Variants in TMC2 observed in about 807,000 individuals in gnomAD.
TMC2 encodes the protein transmembrane channel-like protein 2.
Under a neutral mutation model 105.9 loss-of-function variants are expected in TMC2, and 102 were observed. The observed-to-expected ratio is 0.96, with a 90% CI of 0.82 to 1.14. TMC2 has a LOEUF of 1.14. Among genes scored for constraint, TMC2 ranks in the 50% most tolerant of loss-of-function variants. The pLI is 0.00. For missense variants in TMC2, 1,093 were observed against 1,134.3 expected (o/e 0.96, Z 0.52); for synonymous variants, 402 against 422.8 (o/e 0.95, Z 0.60).
intron 10 of TMC2, 29 bp downstream of exon 10, chr20:2,597,327 C>A: frequency 3.7e-6 from 6 of 1,607,144 alleles, no homozygotes; most frequent in Non-Finnish European, 5.1e-6. Context: ...TTCCCACTTC[C>A]GGAGAACTCT....
chr20:2,539,709 A>G (rs2085875988), intron 2 of TMC2, among the ~76,000 whole-genome samples: 1 of 152,212 alleles, frequency 6.6e-6, no homozygotes. Context: ...CCCTTTTGCA[A>G]CAGGGGGCTA....
At chr20:2,564,440 G>A (rs968496974) in intron 4 of TMC2, among the ~76,000 whole-genome samples, 10 of 151,590 alleles carry the variant, frequency 6.6e-5, no homozygotes, top group Non-Finnish European at 1.5e-4. Flanking sequence ...ATGAGCCACC[G>A]CGCCCGGCCC....
intron 4 of TMC2, among the ~76,000 whole-genome samples, chr20:2,568,861 A>C (rs967428823): frequency 2.0e-5 from 3 of 152,134 alleles, no homozygotes; most frequent in African/African-American, 7.2e-5. Context: ...TGAGACACTG[A>C]GACATCCCAA....
intron 2 of TMC2, among the ~76,000 whole-genome samples, chr20:2,541,646 CA>C (rs765976017): frequency 0.031 from 2,341 of 76,630 alleles, 31 homozygotes; most frequent in African/African-American, 0.087. Context: ...GTCTCAAAAC[CA>C]AAAAAAAAAA....
chr20:2,562,023 C>A lies in TMC2; in HGVS notation c.554+13C>A, dbSNP rs7270277. ...TGACAGAGCTCAGGTGAGCAGGCTG[C>A]GGGTCAGCCAGGGCCTTCCGATGTC... On this transcript the variant is annotated intron_variant, in intron 4 of 19. Coordinates refer to ENST00000358864, the MANE Select transcript of TMC2 (RefSeq NM_080751.3). The A allele has an allele frequency of 1.2e-6, 2 of 1,610,942 alleles. No homozygotes were observed. Among genetic ancestry groups the A allele is most frequent in the Non-Finnish European group, 1.7e-6 (2 of 1,178,496 alleles).
At chr20:2,597,485 GTTTCT>G (rs1568518790) in intron 10 of TMC2, among the ~76,000 whole-genome samples, 187 bp downstream of exon 10, 1 of 151,950 alleles carries the variant, frequency 6.6e-6, no homozygotes, top group Admixed American at 6.6e-5. Flanking sequence ...CCCACTGTCT[GTTTCT>G]TTTCTTTTCT....
At chr20:2,572,338 C>T (rs11906107) in intron 5 of TMC2, 69 bp downstream of exon 5, 25 of 1,248,490 alleles carry the variant, frequency 2.0e-5, no homozygotes, top group South Asian at 2.5e-5. Flanking sequence ...CGACCAACTT[C>T]GGCAACTGCC....
In TMC2 at chr20:2,582,751, C is replaced by T. The variant is rs1177045324; in HGVS notation, c.834+2695C>T. On this transcript the variant is annotated intron_variant, in intron 7 of 19. Coordinates refer to ENST00000358864, the MANE Select transcript of TMC2 (RefSeq NM_080751.3). ...TCAGCCTCCCAAAGTGTTGGGATTA[C>T]AGGCATGAGCCACCATCCCTGGCCT... Among the ~76,000 whole-genome samples, 3 of 152,238 alleles carry T rather than the reference C, an allele frequency of 2.0e-5. No individual in the cohort carries two copies. In the East Asian group the frequency reaches 5.8e-4, roughly 29 times the overall value.
intron 2 of TMC2, among the ~76,000 whole-genome samples, chr20:2,551,699 T>A (rs1265001049): frequency 6.6e-6 from 1 of 152,196 alleles, no homozygotes; most frequent in African/African-American, 2.4e-5. Flanking sequence ...TGTATCTAGA[T>A]TTTTGGTTTT....
intron 2 of TMC2, among the ~76,000 whole-genome samples, chr20:2,551,181 T>C (rs767507204): frequency 5.9e-5 from 9 of 152,214 alleles, no homozygotes; most frequent in South Asian, 2.1e-4. Flanking sequence ...TAGTATTTCA[T>C]TGATGTTTTA....
chr20:2,634,040 TATC>T (rs2086624079), intron 17 of TMC2, among the ~76,000 whole-genome samples: 1 of 152,360 alleles, frequency 6.6e-6, no homozygotes, highest in South Asian at 2.1e-4. Flanking sequence ...CCTCTTTGAC[TATC>T]ATCTTTGTTG....
At chr20:2,554,891 G>A (rs1040188955) in intron 2 of TMC2, among the ~76,000 whole-genome samples, 1 of 152,162 alleles carries the variant, frequency 6.6e-6, no homozygotes, top group African/African-American at 2.4e-5. Flanking sequence ...ATGAGCTTGA[G>A]AAGGATCTGT....
At chr20:2,560,217 G>A (rs1309841355) in intron 3 of TMC2, among the ~76,000 whole-genome samples, 9 of 151,642 alleles carry the variant, frequency 5.9e-5, no homozygotes, top group Admixed American at 3.3e-4. Context: ...AACACCCTAC[G>A]CAGAGACTCA....
intron 17 of TMC2, 70 bp downstream of exon 17, chr20:2,624,466 G>A: frequency 6.5e-7 from 1 of 1,542,350 alleles, no homozygotes; most frequent in Non-Finnish European, 8.8e-7. Context: ...TCCTTGGCAG[G>A]TCCTTTTCAT....
At chr20:2,556,847 T>C (rs2122821724) in intron 2 of TMC2, among the ~76,000 whole-genome samples, 1 of 151,154 alleles carries the variant, frequency 6.6e-6, no homozygotes, top group East Asian at 1.9e-4. Context: ...AGAATACTTT[T>C]GATGGATACA....
intron 13 of TMC2, among the ~76,000 whole-genome samples, chr20:2,612,965 T>A (rs554163595): frequency 6.6e-6 from 1 of 152,236 alleles, no homozygotes; most frequent in African/African-American, 2.4e-5. Flanking sequence ...CTTCAAGAGG[T>A]TCAGAGATTA....
rs959518219 is a variant in TMC2 at position 2,642,447 on chromosome 20, A to G, written c.*1096A>G. ...AACCTGCCTTACCCAGGGCAGAAAA[A>G]TCTTTTTCATGCACCAAATTCTAAA... On this transcript the variant is annotated 3_prime_UTR_variant, in exon 20 of 20. Coordinates refer to ENST00000358864, the MANE Select transcript of TMC2 (RefSeq NM_080751.3). 5.3e-5 allele frequency among the ~76,000 whole-genome samples: 8 copies of G among 152,112 alleles called. No homozygotes were observed. Among genetic ancestry groups the G allele is most frequent in the African/African-American group, 1.9e-4 (8 of 41,408 alleles).
At chr20:2,629,693 C>T (rs1231472031) in intron 17 of TMC2, among the ~76,000 whole-genome samples, 1 of 152,202 alleles carries the variant, frequency 6.6e-6, no homozygotes, top group Non-Finnish European at 1.5e-5. Context: ...GGATAGATTT[C>T]AGCCAGCAGT....
At chr20:2,564,290 A>G (rs780276237) in intron 4 of TMC2, among the ~76,000 whole-genome samples, 22 of 151,612 alleles carry the variant, frequency 1.5e-4, no homozygotes, top group Non-Finnish European at 3.2e-4. Flanking sequence ...AGCTGGGACT[A>G]CAGGCGCCCA....
Sources: allele counts gnomAD v4.1 joint callset (sites outside exome capture counted in the v4.1 genomes callset), GRCh38; gene constraint gnomAD v4.1.1; transcripts MANE v1.5; gene names NCBI Gene and HGNC (gene_info 2026-07-23, HGNC 2026-07-21).